Variants in RABGAP1L observed in about 807,000 individuals in gnomAD.
RABGAP1L encodes rab GTPase-activating protein 1-like.
In RABGAP1L, 63 loss-of-function variants were observed where a neutral mutation model predicts 137.7. The observed-to-expected ratio is 0.46, with a 90% CI of 0.37 to 0.56. RABGAP1L has a LOEUF of 0.56. Ranked by LOEUF, RABGAP1L falls within the 20% of genes least tolerant of loss-of-function variation. The pLI, the probability that RABGAP1L is intolerant of heterozygous loss-of-function variation, is 0.00. For synonymous variants in RABGAP1L, 431 were observed against 433.7 expected (o/e 0.99, Z 0.08); for missense variants, 1,095 against 1,244.0 (o/e 0.88, Z 1.80).
intron 12 of RABGAP1L, among the ~76,000 whole-genome samples, chr1:174,379,286 A>G (rs976695070): frequency 2.6e-4 from 39 of 148,006 alleles, no homozygotes; most frequent in African/African-American, 9.4e-4. Context: ...TTTTGGTTCC[A>G]TATGAACTTT....
chr1:174,282,336 G>T (rs998938521), intron 10 of RABGAP1L, among the ~76,000 whole-genome samples: 3 of 152,048 alleles, frequency 2.0e-5, no homozygotes, highest in African/African-American at 7.2e-5. Flanking sequence ...TATTCTTAGG[G>T]GTGTGTAGAT....
rs183779414 is a variant in RABGAP1L at position 174,176,809 on chromosome 1, G to A, written c.-34+17152G>A. On this transcript the variant is annotated intron_variant, in intron 1 of 25. Transcript: ENST00000681986. Reference sequence around the variant, plus strand: ...AAAAGTCTTCTAAGGGCTGGGCATGGTGGCTCACGTGTGTAATCCCAGCAC... The same window carrying A: ...AAAAGTCTTCTAAGGGCTGGGCATGATGGCTCACGTGTGTAATCCCAGCAC... Among the ~76,000 whole-genome samples, 188 of 151,154 alleles carry A rather than the reference G, an allele frequency of 1.2e-3. 2 individuals are homozygous for A. The highest frequency in any genetic ancestry group is 4.4e-3 in the African/African-American group (181 of 41,096).
intron 1 of RABGAP1L, among the ~76,000 whole-genome samples, chr1:174,196,227 CT>C (rs758258710): frequency 1.3e-3 from 179 of 140,986 alleles, no homozygotes; most frequent in Middle Eastern, 3.7e-3. Context: ...TTCTTTCTTT[CT>C]TTTTTTTTTT....
chr1:174,860,613 C>T (rs1052449534), intron 19 of RABGAP1L, among the ~76,000 whole-genome samples: 15 of 152,106 alleles, frequency 9.9e-5, no homozygotes, highest in African/African-American at 2.9e-4. Flanking sequence ...ATTTTCCCTT[C>T]GGTTATTTGC....
rs1320717233 is a variant in RABGAP1L, at chr1:174,699,431, A to G, written c.1900-94A>G. 7 of 1,160,982 alleles carry G rather than the reference A, an allele frequency of 6.0e-6. No individual in the cohort carries two copies. In the African/African-American group the frequency reaches 7.9e-5, roughly 13 times the overall value. 71.9% of individuals were successfully genotyped at this position (1,160,982 alleles called of 1,614,324 possible). On this transcript the variant is annotated intron_variant, in intron 15 of 25. Transcript: ENST00000681986. ...CTTCATTTGCTCCAGGCCTTCAGCT[A>G]CTTATGCAGAGGACTAATAACATGA...
At chr1:174,171,239 T>C (rs1321410185) in intron 1 of RABGAP1L, among the ~76,000 whole-genome samples, 1 of 152,230 alleles carries the variant, frequency 6.6e-6, no homozygotes, top group Non-Finnish European at 1.5e-5. Flanking sequence ...TAGCGAGATA[T>C]GCCCAAAAGA....
chr1:174,232,606 AC>A (rs1558053603), intron 4 of RABGAP1L, among the ~76,000 whole-genome samples: 1 of 151,708 alleles, frequency 6.6e-6, no homozygotes, highest in Non-Finnish European at 1.5e-5. Flanking sequence ...ACACGGTGAA[AC>A]CCCGTCTCTA....
intron 19 of RABGAP1L, chr1:174,892,422 AAT>A: frequency 2.4e-6 from 1 of 411,052 alleles, no homozygotes; most frequent in Non-Finnish European, 4.7e-6. Flanking sequence ...AAGAAATATG[AAT>A]ATCAACACGA....
intron 19 of RABGAP1L, among the ~76,000 whole-genome samples, chr1:174,889,465 G>T (rs1281616008): frequency 6.6e-6 from 1 of 152,182 alleles, no homozygotes; most frequent in Middle Eastern, 3.2e-3. Context: ...CTGTTACCCA[G>T]TCTGGAGTGC....
chr1:174,667,159 C>T (rs1360948300), intron 14 of RABGAP1L, among the ~76,000 whole-genome samples: 1 of 152,006 alleles, frequency 6.6e-6, no homozygotes, highest in African/African-American at 2.4e-5. Flanking sequence ...ATTAAAAGTC[C>T]TCCTTTCTAA....
rs1420384667 is a variant in RABGAP1L, at chr1:174,761,418, AG to A, written c.2211+9066del. 6.6e-6 allele frequency among the ~76,000 whole-genome samples: 1 copy of A among 151,400 alleles called. No individual in the cohort carries two copies. The highest frequency in any genetic ancestry group is 2.4e-5 in the African/African-American group (1 of 41,156). On this transcript the variant is annotated intron_variant, in intron 18 of 25. Transcript: ENST00000681986. The surrounding 1 kb of genome is among the most constrained non-coding windows in gnomAD (Gnocchi z 4.0). The stretch of plus-strand genomic sequence containing the variant: ...TCACTTCCCAGAGGGTGGCACGGCC[AG>A]GCAGAGGCGCTCCTCAGTTTTCAGA...
At chr1:174,572,647 C>T (rs913062355) in intron 13 of RABGAP1L, among the ~76,000 whole-genome samples, 8 of 152,172 alleles carry the variant, frequency 5.3e-5, no homozygotes, top group African/African-American at 1.9e-4. Flanking sequence ...TCCCAAAGTG[C>T]TGAGACTGCA....
chr1:174,550,053 A>G (rs1311690831), intron 13 of RABGAP1L, among the ~76,000 whole-genome samples: 1 of 152,142 alleles, frequency 6.6e-6, no homozygotes, highest in Admixed American at 6.5e-5. Context: ...AACAATAATA[A>G]TAACATTTTA....
intron 19 of RABGAP1L, 83 bp downstream of exon 19, chr1:174,812,043 G>A (rs1229843327): frequency 4.0e-6 from 5 of 1,264,578 alleles, no homozygotes. Context: ...TTTTTTATAT[G>A]TTGCAAGGTT....
intron 19 of RABGAP1L, among the ~76,000 whole-genome samples, chr1:174,861,039 C>A (rs1442546519): frequency 6.6e-6 from 1 of 152,070 alleles, no homozygotes; most frequent in African/African-American, 2.4e-5. Context: ...ATATTAGATC[C>A]TCAGAACTTT....
At chr1:174,191,587 T>G (rs1667213223) in intron 1 of RABGAP1L, among the ~76,000 whole-genome samples, 1 of 152,226 alleles carries the variant, frequency 6.6e-6, no homozygotes, top group African/African-American at 2.4e-5. Flanking sequence ...ATACTTTTTT[T>G]GGGAGGGGAT....
chr1:174,707,637 A>G (rs1680155404), intron 17 of RABGAP1L, among the ~76,000 whole-genome samples: 1 of 152,202 alleles, frequency 6.6e-6, no homozygotes, highest in African/African-American at 2.4e-5. Context: ...ATTAGATGAG[A>G]TTATGATATC....
At chr1:174,328,009 A>ATATATATATATATATATG (rs1680693211) in intron 11 of RABGAP1L, among the ~76,000 whole-genome samples, 4 of 128,874 alleles carry the variant, frequency 3.1e-5, no homozygotes, top group African/African-American at 1.4e-4. Flanking sequence ...ATATATATAT[A>ATATATATATATATATATG]TATATATATA....
At chr1:174,867,378 A>G (rs748884315) in intron 19 of RABGAP1L, among the ~76,000 whole-genome samples, 15 of 151,948 alleles carry the variant, frequency 9.9e-5, no homozygotes, top group Non-Finnish European at 2.2e-4. Flanking sequence ...ATACTGTTGG[A>G]TGCAATATAA....
Sources: allele counts gnomAD v4.1 joint callset (sites outside exome capture counted in the v4.1 genomes callset), GRCh38; gene constraint gnomAD v4.1.1; non-coding constraint Gnocchi (gnomAD v3.1); transcripts MANE v1.5; gene names NCBI Gene and HGNC (gene_info 2026-07-23, HGNC 2026-07-21).